CPQ: variants seen among roughly 807,000 people sequenced by gnomAD.
The protein encoded by CPQ is carboxypeptidase Q, also known as Ser-Met dipeptidase.
CPQ carries 37 observed loss-of-function variants against 45.7 expected under a neutral mutation model. The observed-to-expected ratio is 0.81, with a 90% CI of 0.62 to 1.07. CPQ has a LOEUF of 1.07. Among genes scored for constraint, CPQ ranks in the 50% least tolerant of loss-of-function variants. The pLI, the probability that CPQ is intolerant of heterozygous loss-of-function variation, is 0.00. For missense variants in CPQ, 537 were observed against 572.9 expected (o/e 0.94, Z 0.64); for synonymous variants, 186 against 205.8 (o/e 0.90, Z 0.82).
At chr8:96,690,299 T>A (rs995680564) in intron 1 of CPQ, among the ~76,000 whole-genome samples, 8 of 152,324 alleles carry the variant, frequency 5.3e-5, no homozygotes, top group African/African-American at 1.9e-4. Context: ...TTTTTCTGGA[T>A]CAGCTACCTG....
intron 3 of CPQ, among the ~76,000 whole-genome samples, chr8:96,846,678 G>A (rs1811695436): frequency 6.6e-6 from 1 of 152,070 alleles, no homozygotes; most frequent in Admixed American, 6.6e-5. Flanking sequence ...ATAAGAGCAA[G>A]GACCACCTCT....
intron 7 of CPQ, among the ~76,000 whole-genome samples, chr8:97,076,695 AT>A (rs757343778): frequency 1.3e-5 from 2 of 151,846 alleles, no homozygotes; most frequent in African/African-American, 4.8e-5. Flanking sequence ...CCTAAGTTTG[AT>A]TTTTTTTAGC....
At chr8:96,890,442 T>C (rs903486168) in intron 4 of CPQ, among the ~76,000 whole-genome samples, 2 of 152,188 alleles carry the variant, frequency 1.3e-5, no homozygotes, top group Non-Finnish European at 2.9e-5. Flanking sequence ...ACCCAAACCT[T>C]CACTCCTGAA....
chr8:96,916,034 T>A (rs1202695002), intron 4 of CPQ, among the ~76,000 whole-genome samples: 1 of 152,176 alleles, frequency 6.6e-6, no homozygotes, highest in Non-Finnish European at 1.5e-5. Context: ...GAGATCTGAT[T>A]CCTCTTAGGA....
Position 97,123,062 on chromosome 8 carries a change from TAAAAA to T in CPQ, c.1256-19954_1256-19950del, listed in dbSNP as rs1251888032. Among the ~76,000 whole-genome samples the T allele has an allele frequency of 7.4e-4, 22 of 29,732 alleles. 1 individual carries two copies. The highest frequency in any genetic ancestry group is 1.3e-3 in the African/African-American group (7 of 5,312). 19.5% of individuals were successfully genotyped at this position (29,732 alleles called of 152,430 possible). On this transcript the variant is annotated intron_variant, in intron 7 of 7. Transcript: ENST00000220763. ...ATAAAATAAATAAAATAAAATAAAATAAAAAAAATAAAATAAAATAAATAAAATAA... is the reference window on the plus strand; with the variant it reads ...ATAAAATAAATAAAATAAAATAAAATAAATAAAATAAAATAAATAAAATAA...
At chr8:96,717,076 T>TATATATATATAC (rs1809690915) in intron 1 of CPQ, among the ~76,000 whole-genome samples, 2 of 64,124 alleles carry the variant, frequency 3.1e-5, no homozygotes, top group Admixed American at 1.7e-4. Flanking sequence ...TATATATATA[T>TATATATATATAC]ACGTATATAT....
chr8:97,138,757 A>T (rs764747727), intron 7 of CPQ, among the ~76,000 whole-genome samples: 1 of 152,158 alleles, frequency 6.6e-6, no homozygotes, highest in Non-Finnish European at 1.5e-5. Context: ...TAGGACAAGT[A>T]CAAAACTTGG....
At chr8:97,090,838 A>C (rs551787627) in intron 7 of CPQ, among the ~76,000 whole-genome samples, 1 of 152,098 alleles carries the variant, frequency 6.6e-6, no homozygotes, top group African/African-American at 2.4e-5. Flanking sequence ...ACCCACCCCA[A>C]CTAGAGAAAC....
intron 4 of CPQ, among the ~76,000 whole-genome samples, chr8:96,910,580 C>G (rs1812646771): frequency 6.6e-6 from 1 of 152,170 alleles, no homozygotes; most frequent in African/African-American, 2.4e-5. Flanking sequence ...TGTCAGCTCA[C>G]TGCAAGCTCC....
At chr8:96,752,507 T>A (rs1810274948) in intron 1 of CPQ, among the ~76,000 whole-genome samples, 1 of 152,196 alleles carries the variant, frequency 6.6e-6, no homozygotes, top group South Asian at 2.1e-4. Context: ...AAGTTTCTTA[T>A]CAGCTTAAGA....
At chr8:96,987,394 C>T (rs1809004761) in intron 5 of CPQ, among the ~76,000 whole-genome samples, 1 of 151,880 alleles carries the variant, frequency 6.6e-6, no homozygotes, top group Admixed American at 6.6e-5. Flanking sequence ...CCTTGGTCTC[C>T]CACAGAAACA....
rs140945156 is a variant in CPQ at position 96,694,648 on chromosome 8, G to A, written c.-35+49246G>A. 1.2e-4 allele frequency among the ~76,000 whole-genome samples: 18 copies of A among 152,016 alleles called. 1 individual carries two copies. In the East Asian group the frequency reaches 3.5e-3, roughly 29 times the overall value. The stretch of plus-strand genomic sequence containing the variant: ...CTTTGGAAACAACAAACACACAGAA[G>A]TTAAACAATGTGCTCCTGAATGACC... On this transcript the variant is annotated intron_variant, in intron 1 of 7. Coordinates refer to ENST00000220763, the MANE Select transcript of CPQ (RefSeq NM_016134.4).
intron 7 of CPQ, among the ~76,000 whole-genome samples, chr8:97,113,690 C>A (rs1811537309): frequency 6.6e-6 from 1 of 152,296 alleles, no homozygotes; most frequent in South Asian, 2.1e-4. Context: ...TCTCAGGCAA[C>A]AACAACTGAG....
At chr8:97,067,442 G>A (rs1277067355) in intron 7 of CPQ, among the ~76,000 whole-genome samples, 1 of 152,140 alleles carries the variant, frequency 6.6e-6, no homozygotes, top group Non-Finnish European at 1.5e-5. Context: ...TTTTAACATT[G>A]CTGTATTCAG....
chr8:96,885,931 G>A (rs1393057570), intron 4 of CPQ, among the ~76,000 whole-genome samples: 2 of 151,776 alleles, frequency 1.3e-5, no homozygotes, highest in South Asian at 2.1e-4. Flanking sequence ...GGCGGAGATC[G>A]CACCACTGCA....
chr8:96,808,588 CA>C lies in CPQ; in HGVS notation c.433+23259del, dbSNP rs770906669. Among the ~76,000 whole-genome samples, 267 of 152,136 alleles carry C rather than the reference CA, an allele frequency of 1.8e-3. 1 individual carries two copies. Among genetic ancestry groups the C allele is most frequent in the Non-Finnish European group, 3.0e-3 (207 of 68,032 alleles). On this transcript the variant is annotated intron_variant, in intron 2 of 7. Transcript: ENST00000220763. ...GGGGATAAAACCCCTCATGTTAAGG[CA>C]TGTAGGAGGAAAGGTATCCTCTTAT...
At chr8:96,834,535 A>G (rs1811500666) in intron 2 of CPQ, among the ~76,000 whole-genome samples, 1 of 152,132 alleles carries the variant, frequency 6.6e-6, no homozygotes, top group Admixed American at 6.5e-5. Flanking sequence ...ATGTTGTTGT[A>G]GGTTGTTTAG....
At chr8:97,042,477 C>A (rs925896303) in intron 6 of CPQ, among the ~76,000 whole-genome samples, 1 of 152,168 alleles carries the variant, frequency 6.6e-6, no homozygotes, top group African/African-American at 2.4e-5. Flanking sequence ...TTTTGTGTCT[C>A]TATTTCCTTC....
chr8:97,098,116 A>G (rs1811240310), intron 7 of CPQ, among the ~76,000 whole-genome samples: 1 of 152,146 alleles, frequency 6.6e-6, no homozygotes, highest in East Asian at 1.9e-4. Context: ...CTCCTAGTAG[A>G]TTGATGGAGA....
Sources: allele counts gnomAD v4.1 joint callset (sites outside exome capture counted in the v4.1 genomes callset), GRCh38; gene constraint gnomAD v4.1.1; transcripts MANE v1.5; gene names NCBI Gene and HGNC (gene_info 2026-07-23, HGNC 2026-07-21).